The following ZNF541 variants were observed in gnomAD, a reference collection of about 807,000 sequenced individuals.
ZNF541 encodes zinc finger protein 541.
ZNF541 carries 23 observed loss-of-function variants against 123.5 expected under a neutral mutation model. The ratio of observed to expected loss-of-function variants is 0.19; its 90% confidence interval spans 0.13 to 0.26. ZNF541 has a LOEUF of 0.26. Ranked by LOEUF, ZNF541 falls within the 10% of genes least tolerant of loss-of-function variation. ZNF541 has a pLI of 1.00. For synonymous variants in ZNF541, 751 were observed against 754.5 expected, an observed-to-expected ratio of 1.00 and a Z score of 0.08; for missense variants, 1,612 against 1,789.9, an observed-to-expected ratio of 0.90 and a Z score of 1.79.
In ZNF541 at chr19:47,531,764, T is replaced by C; in HGVS notation, c.3302-19A>G. The C allele has an allele frequency of 6.5e-7, 1 of 1,533,196 alleles. No homozygotes were observed. The highest frequency in any genetic ancestry group is 1.2e-5 in the South Asian group (1 of 83,014). The allele number at this position is 1,533,196 out of a possible 1,614,324, so 95.0% of individuals were successfully genotyped here. On this transcript the variant is annotated intron_variant, in intron 11 of 16. Transcript: ENST00000391901. ...TCGGTCACTGTTTCCAAGAAGGACA[T>C]GAGGAAGAGGAGGCACACAGGAGTC...
At chr19:47,531,608 G>A (rs2122963020) in intron 12 of ZNF541, 34 bp downstream of exon 12, 2 of 1,495,888 alleles carry the variant, frequency 1.3e-6, no homozygotes, top group Non-Finnish European at 1.8e-6. Context: ...CTGGGCCCCA[G>A]GAAAGCAGGG....
At chr19:47,558,725 G>A (rs1428322568) in intron 2 of ZNF541, among the ~76,000 whole-genome samples, 3 of 149,254 alleles carry the variant, frequency 2.0e-5, no homozygotes, top group Non-Finnish European at 4.4e-5. Context: ...GATTACAGGT[G>A]CCCACCACCA....
chr19:47,542,223 T>TG (rs1970110372), intron 5 of ZNF541, among the ~76,000 whole-genome samples: 1 of 151,750 alleles, frequency 6.6e-6, no homozygotes, highest in South Asian at 2.1e-4. Flanking sequence ...TGCCAGGCCC[T>TG]GGGGGGAGGG....
chr19:47,525,199 C>A (rs907158430), intron 14 of ZNF541, among the ~76,000 whole-genome samples: 1 of 151,736 alleles, frequency 6.6e-6, no homozygotes, highest in Admixed American at 6.6e-5. Context: ...GTACGAGAAT[C>A]GCTTGAACCC....
chr19:47,536,760 C>CA (rs1969842013), intron 9 of ZNF541, among the ~76,000 whole-genome samples: 1 of 151,780 alleles, frequency 6.6e-6, no homozygotes, highest in Non-Finnish European at 1.5e-5. Flanking sequence ...CCTTGTCTCC[C>CA]AAAAAAACCC....
intron 4 of ZNF541, among the ~76,000 whole-genome samples, chr19:47,548,977 G>A (rs932513296): frequency 6.6e-6 from 1 of 151,766 alleles, no homozygotes; most frequent in East Asian, 1.9e-4. Flanking sequence ...TACTCAGGAG[G>A]CTGAGGCAGG....
intron 5 of ZNF541, 129 bp from the exon 6 acceptor site, chr19:47,541,080 G>A (rs1029563106): frequency 1.2e-6 from 1 of 815,648 alleles, no homozygotes; most frequent in Non-Finnish European, 1.9e-6. Context: ...TGGTTTCTTA[G>A]ATAAGACACC....
chr19:47,552,480 G>C (rs1465663101), intron 3 of ZNF541, among the ~76,000 whole-genome samples: 1 of 151,926 alleles, frequency 6.6e-6, no homozygotes, highest in Non-Finnish European at 1.5e-5. Flanking sequence ...GGAAAAACCG[G>C]GCTCCCTCAG....
Position 47,555,532 on chromosome 19 carries a change from C to A in ZNF541, c.307+18G>T. 1 of 1,519,578 alleles carries A rather than the reference C, an allele frequency of 6.6e-7. No individual in the cohort carries two copies. Among genetic ancestry groups the A allele is most frequent in the Non-Finnish European group, 8.9e-7 (1 of 1,128,512 alleles). 94.1% of individuals were successfully genotyped at this position (1,519,578 alleles called of 1,614,324 possible). ...TCGAACATCCTGCAGGGCCCTTCTACCCAGGTGACAGCCTCACCTTGTAAG... is the reference window on the plus strand; with the variant it reads ...TCGAACATCCTGCAGGGCCCTTCTAACCAGGTGACAGCCTCACCTTGTAAG... On this transcript the variant is annotated intron_variant, in intron 3 of 16. Transcript: ENST00000391901.
intron 14 of ZNF541, among the ~76,000 whole-genome samples, chr19:47,528,113 G>A (rs1476906670): frequency 3.6e-5 from 5 of 138,448 alleles, no homozygotes; most frequent in South Asian, 5.1e-4. Context: ...TCGGGGGTTC[G>A]AGACTAGCCT....
At chr19:47,532,560 C>T (rs2914015) in intron 10 of ZNF541, among the ~76,000 whole-genome samples, 16,165 of 152,106 alleles carry the variant, frequency 0.11, 1,473 homozygotes, top group African/African-American at 0.26. Context: ...TGTCTACGTC[C>T]ACACCACAGC....
At chr19:47,522,066 G>A (rs976642297) in intron 14 of ZNF541, 72 bp from the exon 15 acceptor site, 30 of 1,529,998 alleles carry the variant, frequency 2.0e-5, no homozygotes, top group South Asian at 1.3e-4. Flanking sequence ...CCATTGGGCC[G>A]GCCGCCTCCT....
chr19:47,534,673 C>T (rs761045674), intron 9 of ZNF541, among the ~76,000 whole-genome samples: 2 of 151,336 alleles, frequency 1.3e-5, no homozygotes, highest in Non-Finnish European at 2.9e-5. Flanking sequence ...ACCACCCCCC[C>T]AAAACAAAAA....
chr19:47,570,685 G>C (rs577959824), intron 2 of ZNF541, among the ~76,000 whole-genome samples: 1 of 150,240 alleles, frequency 6.7e-6, no homozygotes, highest in Middle Eastern at 3.4e-3. Flanking sequence ...AAGTTGATTA[G>C]TTTAAACTTC....
At chr19:47,524,954 CCT>C (rs1379403225) in intron 14 of ZNF541, among the ~76,000 whole-genome samples, 2 of 152,036 alleles carry the variant, frequency 1.3e-5, no homozygotes, top group African/African-American at 4.8e-5. Flanking sequence ...AGACACAGCC[CCT>C]GTTCATGAGT....
chr19:47,529,170 C>A, intron 13 of ZNF541, 132 bp from the exon 14 acceptor site: 1 of 685,054 alleles, frequency 1.5e-6, no homozygotes, highest in South Asian at 1.9e-5. Context: ...TCATAAAAAA[C>A]TCAAAAAGTC....
intron 4 of ZNF541, 133 bp from the exon 5 acceptor site, chr19:47,546,113 G>T: frequency 1.4e-6 from 1 of 725,758 alleles, no homozygotes. Flanking sequence ...GCCCCCACGA[G>T]GAAAGACCAC....
Position 47,544,263 on chromosome 19 carries a change from C to T in ZNF541, c.2266G>A (p.Gly756Ser), listed in dbSNP as rs1266249184. ...LGNPRAPRFS[G>S]FRKEKAKMDM... ...ATCTTCGCCTTCTCTTTCCGGAAGC[C>T]GGAGAATCGCGGGGCCCTGGGGTTG... The change falls in exon 5 of 17, where the codon GGC becomes AGC. Residue 756 changes from glycine (G) to serine (S), a missense_variant. Gly to Ser is a moderately conservative substitution (Grantham distance 56). Around this residue, in one of 5 missense-constraint regions of ZNF541, gnomAD observed 1,080 missense variants for 1,013.8 expected, o/e 1.07. Transcript: ENST00000391901. 1.9e-6 allele frequency: 3 copies of T among 1,551,454 alleles called. No homozygotes were observed. The highest frequency in any genetic ancestry group is 1.4e-5 in the African/African-American group (1 of 73,062).
At chr19:47,570,704 C>CA (rs1971446822) in intron 2 of ZNF541, among the ~76,000 whole-genome samples, 1 of 150,990 alleles carries the variant, frequency 6.6e-6, no homozygotes, top group African/African-American at 2.4e-5. Context: ...TCTAATACAG[C>CA]AAATGCCAGT....
Sources: allele counts gnomAD v4.1 joint callset (sites outside exome capture counted in the v4.1 genomes callset), GRCh38; gene constraint gnomAD v4.1.1; regional missense constraint gnomAD v4.1.1; transcripts MANE v1.5; gene names NCBI Gene and HGNC (gene_info 2026-07-23, HGNC 2026-07-21).